The following ZNF615 variants were observed in gnomAD, a reference collection of about 807,000 sequenced individuals.
ZNF615 encodes the protein zinc finger protein 615.
ZNF615 carries 15 observed loss-of-function variants against 15.3 expected under a neutral mutation model. The ratio of observed to expected loss-of-function variants is 0.98; its 90% CI spans 0.66 to 1.51. The LOEUF (loss-of-function observed/expected upper bound fraction) is 1.51, where lower values mean the gene tolerates loss of function less well. Among genes scored for constraint, ZNF615 ranks in the 40% most tolerant of loss-of-function variants. The pLI, the probability that ZNF615 is intolerant of heterozygous loss-of-function variation, is 0.00. For synonymous variants in ZNF615, 268 were observed against 294.6 expected, an observed-to-expected ratio of 0.91 and a Z score of 0.92; for missense variants, 848 against 895.9, an observed-to-expected ratio of 0.95 and a Z score of 0.68.
chr19:52,004,037 T>G (rs1341113848), intron 2 of ZNF615, 137 bp from the exon 3 acceptor site: 1 of 423,206 alleles, frequency 2.4e-6, no homozygotes, highest in Non-Finnish European at 3.5e-6. Flanking sequence ...CTTTTATATC[T>G]GGGCTAGTAA....
Position 51,993,912 on chromosome 19 carries a change from G to A in ZNF615, c.1197C>T (p.Ile399=). 4 of 1,613,994 alleles carry A rather than the reference G, an allele frequency of 2.5e-6. No homozygotes were observed. Among genetic ancestry groups the A allele is most frequent in the Non-Finnish European group, 3.4e-6 (4 of 1,179,996 alleles). ...GKGFTLKNSL[I]THQQTHTGEK... is the part of the protein sequence containing the mutation. ...CTCCTGTATGAGTTTGCTGATGTGT[G>A]ATAAGACTGTTCTTCAAGGTGAAGC... The change falls in exon 7 of 7, where the codon ATC becomes ATT. Residue 399 remains isoleucine (I), a synonymous_variant. Transcript: ENST00000598071.
intron 4 of ZNF615, 77 bp downstream of exon 4, chr19:52,002,078 G>T: frequency 1.2e-6 from 2 of 1,613,910 alleles, no homozygotes; most frequent in South Asian, 1.1e-5. Flanking sequence ...CCACTTCAGA[G>T]TACTGCAGGT....
chr19:52,004,977 T>C (rs1358222737), intron 2 of ZNF615: 1 of 151,950 alleles, frequency 6.6e-6, no homozygotes, highest in Non-Finnish European at 1.5e-5. Context: ...TAAGAACATA[T>C]AGGCCGGGTG....
Position 51,991,896 on chromosome 19 carries a change from G to A in ZNF615, c.*984C>T, listed in dbSNP as rs1050689052. 8.0e-6 allele frequency: 1 copy of A among 124,852 alleles called. No individual in the cohort carries two copies. The highest frequency in any genetic ancestry group is 3.7e-5 in the African/African-American group (1 of 26,938). The allele number at this position is 124,852 out of a possible 1,614,324, so 7.7% of individuals were successfully genotyped here. A position where few individuals can be genotyped will look rare whatever the true frequency, so the allele number is the denominator to read the frequency against. On this transcript the variant is annotated 3_prime_UTR_variant, in exon 7 of 7. Transcript: ENST00000598071. ...TAAGTTGTTATCTTTGGAAGAAGCT[G>A]GGTTAAGGGCAAGAACTCTGGAATA...
intron 2 of ZNF615, 84 bp from the exon 3 acceptor site, chr19:52,003,984 GC>G (rs2086678496): frequency 2.1e-6 from 2 of 933,472 alleles, no homozygotes; most frequent in Non-Finnish European, 2.8e-6. Context: ...TTAAATCAAG[GC>G]CCCCAAATAT....
chr19:52,002,196 C>A lies in ZNF615; in HGVS notation c.101G>T (p.Arg34Leu), dbSNP rs146219936. The change falls in exon 4 of 7, where the codon CGG (arginine) becomes CTG (leucine). Residue 34 changes from arginine (R) to leucine (L), a missense_variant. Transcript: ENST00000598071. Reference protein sequence around the residue: ...FLSPAQKDLYRDVMLENYSNL... With the variant: ...FLSPAQKDLYLDVMLENYSNL... ...GCTGTAGTTCTCCAACATCACGTCCCGGTACAGGTCCTTCTGAGCAGGGCT... is the reference window on the plus strand; with the variant it reads ...GCTGTAGTTCTCCAACATCACGTCCAGGTACAGGTCCTTCTGAGCAGGGCT... The A allele has an allele frequency of 3.7e-6, 6 of 1,614,164 alleles. No individual in the cohort carries two copies. In the South Asian group the frequency reaches 6.6e-5, roughly 18 times the overall value.
At chr19:52,003,988 C>A in intron 2 of ZNF615, 88 bp from the exon 3 acceptor site, 1 of 868,578 alleles carries the variant, frequency 1.2e-6, no homozygotes, top group South Asian at 4.5e-5. Context: ...ATCAAGGCCC[C>A]CAAATATCTC....
rs566745481 is a variant in ZNF615 at position 52,001,425 on chromosome 19, C to T, written c.238+388G>A. ...ACAAGGTCAAGAGATCAAGACCATCCTGGCCAATATGGTGAAACCCCGTTT... is the reference window on the plus strand; with the variant it reads ...ACAAGGTCAAGAGATCAAGACCATCTTGGCCAATATGGTGAAACCCCGTTT... On this transcript the variant is annotated intron_variant, in intron 5 of 6. Coordinates refer to ENST00000598071, the MANE Select transcript of ZNF615 (RefSeq NM_001199324.2). Among the ~76,000 whole-genome samples, 9 of 152,092 alleles carry T rather than the reference C, an allele frequency of 5.9e-5. No homozygotes were observed. The South Asian group carries it at 1.7e-3, about 28-fold the overall frequency.
At chr19:51,995,522 T>C (rs974785564) in intron 6 of ZNF615, among the ~76,000 whole-genome samples, 2 of 151,936 alleles carry the variant, frequency 1.3e-5, no homozygotes, top group Non-Finnish European at 2.9e-5. Context: ...GACATCTATG[T>C]GTAAGTCACT....
chr19:51,995,567 T>C (rs8109650), intron 6 of ZNF615, among the ~76,000 whole-genome samples: 35,610 of 123,862 alleles, frequency 0.29, 5,235 homozygotes, highest in African/African-American at 0.48. Context: ...CACCTTCCTT[T>C]TTTTTTTTTT....
Position 51,993,701 on chromosome 19 carries a change from T to G in ZNF615, c.1408A>C (p.Thr470Pro). The G allele has an allele frequency of 6.2e-7, 1 of 1,614,076 alleles. No individual in the cohort carries two copies. Among genetic ancestry groups the G allele is most frequent in the Non-Finnish European group, 8.5e-7 (1 of 1,180,004 alleles). The change falls in exon 7 of 7, where the codon ACC (threonine) becomes CCC (proline). Residue 470 changes from threonine to proline, a missense_variant. Transcript: ENST00000598071. The stretch of plus-strand genomic sequence containing the variant: ...ATGGTGAAACCTTTTCGACATTCGG[T>G]GCATACATAGGGTTTCTCTCCAGTA... ...THTGEKPYVC[T>P]ECRKGFTMKS...
chr19:51,998,720 A>G (rs961731760), intron 6 of ZNF615, among the ~76,000 whole-genome samples: 22 of 152,102 alleles, frequency 1.4e-4, no homozygotes, highest in African/African-American at 5.1e-4. Context: ...AGTGGCATGA[A>G]CTTGGCTCAT....
chr19:52,005,029 G>A (rs1005518094), intron 2 of ZNF615, among the ~76,000 whole-genome samples: 109 of 152,292 alleles, frequency 7.2e-4, no homozygotes, highest in African/African-American at 2.6e-3. Context: ...GGGAGGCCGA[G>A]GTGGGCAGAT....
intron 5 of ZNF615, among the ~76,000 whole-genome samples, 194 bp downstream of exon 5, chr19:52,001,616 CAAA>C (rs200193378): frequency 3.0e-4 from 32 of 105,392 alleles, no homozygotes; most frequent in South Asian, 5.5e-4. Flanking sequence ...GACTCCATCT[CAAA>C]AAAAAAAAAA....
Position 51,994,238 on chromosome 19 carries a change from T to C in ZNF615, c.871A>G (p.Lys291Glu). The C allele has an allele frequency of 1.9e-6, 3 of 1,614,168 alleles. No homozygotes were observed. Among genetic ancestry groups the C allele is most frequent in the Non-Finnish European group, 2.5e-6 (3 of 1,180,024 alleles). ...TAAGGTTTCCCTCCCATATGAGTTTTCTGATGTATATTGAGCTGTGATTTC... is the reference window on the plus strand; with the variant it reads ...TAAGGTTTCCCTCCCATATGAGTTTCCTGATGTATATTGAGCTGTGATTTC... ...LKKSQLNIHQ[K>E]THMGGKPYTC... Residue 291 changes from lysine to glutamate, a missense_variant, in exon 7 of 7, where the codon AAA (lysine) becomes GAA (glutamate). By Grantham distance (56) the Lys-to-Glu change is moderately conservative. Coordinates refer to ENST00000598071, the MANE Select transcript of ZNF615 (RefSeq NM_001199324.2).
At chr19:51,999,898 T>C (rs2086541512) in intron 6 of ZNF615, among the ~76,000 whole-genome samples, 2 of 152,260 alleles carry the variant, frequency 1.3e-5, no homozygotes, top group East Asian at 3.9e-4. Context: ...ATTTAAGATG[T>C]GCAGTAATGA....
chr19:52,006,197 G>C (rs1355865883), intron 2 of ZNF615, among the ~76,000 whole-genome samples: 2 of 152,044 alleles, frequency 1.3e-5, no homozygotes, highest in East Asian at 3.9e-4. Flanking sequence ...AAATAAAATT[G>C]CTGATGGTAG....
chr19:51,996,578 A>G (rs2123031313), intron 6 of ZNF615, among the ~76,000 whole-genome samples: 1 of 152,296 alleles, frequency 6.6e-6, no homozygotes, highest in East Asian at 1.9e-4. Context: ...TTGGTTGAAT[A>G]TATAAATCTC....
Position 52,002,206 on chromosome 19 carries a change from C to T in ZNF615, c.91G>A (p.Asp31Asn). Residue 31 changes from aspartate (D) to asparagine (N), a missense_variant, in exon 4 of 7, where the codon GAC (aspartate) becomes AAC (asparagine). By Grantham distance (23) the Asp-to-Asn change is conservative. Transcript: ENST00000598071. The stretch of plus-strand genomic sequence containing the variant: ...TCCAACATCACGTCCCGGTACAGGT[C>T]CTTCTGAGCAGGGCTCAGGAACTGC... ...EWQFLSPAQK[D>N]LYRDVMLENY... is the part of the protein sequence containing the mutation. 6.2e-7 allele frequency: 1 copy of T among 1,614,202 alleles called. No homozygotes were observed. The highest frequency in any genetic ancestry group is 8.5e-7 in the Non-Finnish European group (1 of 1,180,040).
Sources: allele counts gnomAD v4.1 joint callset (sites outside exome capture counted in the v4.1 genomes callset), GRCh38; gene constraint gnomAD v4.1.1; transcripts MANE v1.5; gene names NCBI Gene and HGNC (gene_info 2026-07-23, HGNC 2026-07-21).